TRIP12: variants seen among roughly 807,000 people sequenced by gnomAD.
The protein encoded by TRIP12 is E3 ubiquitin-protein ligase TRIP12.
TRIP12 carries 25 observed loss-of-function variants against 244.2 expected under a neutral mutation model. The observed-to-expected ratio is 0.10, with a 90% CI of 0.07 to 0.14. The LOEUF is 0.14. Among genes scored for constraint, TRIP12 ranks in the 10% least tolerant of loss-of-function variants. TRIP12 has a pLI of 1.00. For missense variants in TRIP12, 1,677 were observed against 2,486.4 expected (o/e 0.67, Z 6.92); for synonymous variants, 905 against 873.1 (o/e 1.04, Z -0.64).
chr2:229,808,346 G>T lies in TRIP12; in HGVS notation c.2245C>A (p.Leu749Ile). ...CTTCCATTGGAGGCACCACACAGGA[G>T]AAAGTGAAGCGTTTCTGCAATGTCT... is the stretch of plus-strand genomic sequence containing the variant. ...KQNIAETLHF[L>I]LCGASNGSCQ... is the part of the protein sequence containing the mutation. The change falls in exon 16 of 42, where the codon CTC (leucine) becomes ATC (isoleucine). Residue 749 changes from leucine to isoleucine, a missense_variant. By Grantham distance (5) the Leu-to-Ile change is conservative (BLOSUM62 2). Transcript: ENST00000675903. 3 of 1,613,120 alleles carry T rather than the reference G, an allele frequency of 1.9e-6. No individual in the cohort carries two copies. The highest frequency in any genetic ancestry group is 2.5e-6 in the Non-Finnish European group (3 of 1,179,942).
At chr2:229,906,724 C>CAA (rs796721054) in intron 1 of TRIP12, among the ~76,000 whole-genome samples, 4 of 68,334 alleles carry the variant, frequency 5.9e-5, no homozygotes, top group African/African-American at 1.0e-4. Flanking sequence ...CACCTCAAAA[C>CAA]AAAAAAAAAA....
At chr2:229,806,918 G>T (rs2154275020) in intron 17 of TRIP12, among the ~76,000 whole-genome samples, 1 of 152,278 alleles carries the variant, frequency 6.6e-6, no homozygotes, top group South Asian at 2.1e-4. Flanking sequence ...AATTCTTACA[G>T]GTGTCTCATG....
intron 2 of TRIP12, among the ~76,000 whole-genome samples, chr2:229,872,925 C>T (rs1487789836): frequency 6.6e-6 from 1 of 152,154 alleles, no homozygotes; most frequent in Non-Finnish European, 1.5e-5. Flanking sequence ...AGGAATAGGA[C>T]TGTAGTTTTT....
In TRIP12 at chr2:229,831,139, T is replaced by C. The variant is rs7595730; in HGVS notation, c.1271-300A>G. ...TGTTCTTTAATTAAGATGTCCTGAA[T>C]CCCTCTTCTGAAAGTCAATAAAGAA... On this transcript the variant is annotated intron_variant, in intron 6 of 41. Coordinates refer to ENST00000675903, the MANE Select transcript of TRIP12 (RefSeq NM_001348323.3). The C allele has an allele frequency of 4.7e-3, 3,385 of 715,838 alleles. 71 individuals carry two copies. In the African/African-American group the frequency reaches 0.052, roughly 11 times the overall value. The allele number at this position is 715,838 out of a possible 1,614,324, so 44.3% of individuals were successfully genotyped here.
chr2:229,922,987 AAGG>A (rs2076812725), upstream of TRIP12, among the ~76,000 whole-genome samples: 1 of 152,202 alleles, frequency 6.6e-6, no homozygotes, highest in Non-Finnish European at 1.5e-5. Flanking sequence ...CAAGTGTCCC[AAGG>A]AGGAGCCGGC....
At chr2:229,877,911 A>G (rs1352115291) in intron 2 of TRIP12, among the ~76,000 whole-genome samples, 2 of 152,256 alleles carry the variant, frequency 1.3e-5, no homozygotes, top group African/African-American at 2.4e-5. Flanking sequence ...AGGAGGAATA[A>G]TATTTTAAAA....
At chr2:229,808,002 G>A (rs530932298) in intron 16 of TRIP12, 138 bp from the exon 17 acceptor site, 1 of 963,058 alleles carries the variant, frequency 1.0e-6, no homozygotes, top group South Asian at 1.8e-5. Context: ...GTCTCACTCT[G>A]TCGCCCAGGC....
chr2:229,789,253 A>T (rs1219853071), intron 31 of TRIP12, among the ~76,000 whole-genome samples: 4 of 152,244 alleles, frequency 2.6e-5, no homozygotes, highest in Non-Finnish European at 2.9e-5. Flanking sequence ...TCTCTATGCT[A>T]TATAAATATC....
chr2:229,767,230 T>G lies in TRIP12; in HGVS notation c.*324A>C. On this transcript the variant is annotated 3_prime_UTR_variant, in exon 42 of 42. Transcript: ENST00000675903. ...CCCAGAATTAAACTGCACAGCCACA[T>G]TTATTGTTCCAGCCTGGAAAAACAT... 1 of 222,378 alleles carries G rather than the reference T, an allele frequency of 4.5e-6. No individual in the cohort carries two copies. Among genetic ancestry groups the G allele is most frequent in the Non-Finnish European group, 8.7e-6 (1 of 114,398 alleles). 13.8% of individuals were successfully genotyped at this position (222,378 alleles called of 1,614,324 possible). A position where few individuals can be genotyped will look rare whatever the true frequency, so the allele number is the denominator to read the frequency against.
intron 4 of TRIP12, among the ~76,000 whole-genome samples, chr2:229,849,975 A>T (rs1015122041): frequency 6.6e-6 from 1 of 151,674 alleles, no homozygotes; most frequent in Admixed American, 6.6e-5. Context: ...AATGAAATTA[A>T]AAGTGATTTT....
At position 229,808,141 on chromosome 2, in the gene TRIP12, T is replaced by C. The variant is rs2046340052; in HGVS notation, c.2339+111A>G. The C allele has an allele frequency of 3.6e-6, 3 of 839,994 alleles. No homozygotes were observed. The African/African-American group carries it at 5.2e-5, about 14-fold the overall frequency. The allele number at this position is 839,994 out of a possible 1,614,324, so 52.0% of individuals were successfully genotyped here. On this transcript the variant is annotated intron_variant, in intron 16 of 41. Transcript: ENST00000675903. Reference sequence around the variant, plus strand: ...GCCACTACGCCCAGGTAATTTTTTGTATTTTTAGTAGAGACGGGTTTTCAT... The same window carrying C: ...GCCACTACGCCCAGGTAATTTTTTGCATTTTTAGTAGAGACGGGTTTTCAT...
chr2:229,920,868 TA>T (rs1258782373), intron 1 of TRIP12, among the ~76,000 whole-genome samples: 1 of 152,190 alleles, frequency 6.6e-6, no homozygotes, highest in Non-Finnish European at 1.5e-5. Flanking sequence ...CTTGTTCCTG[TA>T]CTAGAAACCC....
intron 19 of TRIP12, 35 bp downstream of exon 19, chr2:229,803,964 T>A: frequency 6.5e-7 from 1 of 1,541,220 alleles, no homozygotes; most frequent in Non-Finnish European, 8.8e-7. Context: ...GAGATTTGTA[T>A]TTGTAAAATG....
chr2:229,826,146 T>C (rs1230891587), intron 8 of TRIP12, among the ~76,000 whole-genome samples: 1 of 152,196 alleles, frequency 6.6e-6, no homozygotes, highest in Non-Finnish European at 1.5e-5. Flanking sequence ...TTTATATATT[T>C]CTACTAAATT....
At chr2:229,881,663 GA>G (rs984211228) in intron 1 of TRIP12, among the ~76,000 whole-genome samples, 1 of 151,854 alleles carries the variant, frequency 6.6e-6, no homozygotes, top group Non-Finnish European at 1.5e-5. Flanking sequence ...GTTTTAGAAA[GA>G]AAAAAATAAA....
At chr2:229,830,674 A>G (rs1246289131) in intron 7 of TRIP12, 82 bp downstream of exon 7, 1 of 1,393,938 alleles carries the variant, frequency 7.2e-7, no homozygotes, top group East Asian at 2.3e-5. Context: ...AAATGAATTT[A>G]ACTAAATTAA....
At position 229,829,215 on chromosome 2, in the gene TRIP12, A is replaced by G. The variant is rs2052628460; in HGVS notation, c.1428T>C (p.His476=). Residue 476 remains histidine, a synonymous_variant, in exon 8 of 42, where the codon CAT becomes CAC. Coordinates refer to ENST00000675903, the MANE Select transcript of TRIP12 (RefSeq NM_001348323.3). The part of the protein sequence containing the change: ...PLGPRMSQLF[H]RTIGSGASSK... ...TACTAGCTCCACTTCCAATTGTTCT[A>G]TGGAAAAGCTGTGACATCCGAGGAC... 2 of 1,613,980 alleles carry G rather than the reference A, an allele frequency of 1.2e-6. No individual in the cohort carries two copies. The highest frequency in any genetic ancestry group is 1.7e-6 in the Non-Finnish European group (2 of 1,179,936).
Position 229,788,908 on chromosome 2 carries a change from A to C in TRIP12, c.4728T>G (p.Ser1576Arg). 6.2e-7 allele frequency: 1 copy of C among 1,613,312 alleles called. No individual in the cohort carries two copies. Among genetic ancestry groups the C allele is most frequent in the Non-Finnish European group, 8.5e-7 (1 of 1,179,654 alleles). ...NAMCKEIIPT[S>R]EFINSKLTAK... ...CTGTTAACTTACTGTTAATAAATTC[A>C]CTAGTTGGAATAATTTCCTTGCACA... Residue 1576 changes from serine to arginine, a missense_variant, in exon 32 of 42, where the codon AGT (serine) becomes AGG (arginine). Ser to Arg is a moderately radical substitution (Grantham distance 110). Transcript: ENST00000675903.
rs564310004 is a variant in TRIP12 at position 229,848,317 on chromosome 2, GC to G, written c.1028-7391del. Among the ~76,000 whole-genome samples, 80 of 128,828 alleles carry G rather than the reference GC, an allele frequency of 6.2e-4. 1 individual carries two copies. The Middle Eastern group carries it at 0.012, about 19-fold the overall frequency. The allele number at this position is 128,828 out of a possible 152,430, so 84.5% of individuals were successfully genotyped here. On this transcript the variant is annotated intron_variant, in intron 4 of 41. Coordinates refer to ENST00000675903, the MANE Select transcript of TRIP12 (RefSeq NM_001348323.3). ...AAGACAAAACCAATCCAAAATGCAG[GC>G]CCCCCCCGCCCCCCCCACACACACA...
Sources: allele counts gnomAD v4.1 joint callset (sites outside exome capture counted in the v4.1 genomes callset), GRCh38; gene constraint gnomAD v4.1.1; transcripts MANE v1.5; gene names NCBI Gene and HGNC (gene_info 2026-07-23, HGNC 2026-07-21).